The following PIP5K1B variants were observed in gnomAD, a reference collection of about 807,000 sequenced individuals.
PIP5K1B encodes phosphatidylinositol 4-phosphate 5-kinase type-1 beta.
In PIP5K1B, 42 loss-of-function variants were observed where a neutral mutation model predicts 67.0. The ratio of observed to expected loss-of-function variants is 0.63; its 90% CI spans 0.49 to 0.81. The LOEUF (loss-of-function observed/expected upper bound fraction) is 0.81, where lower values mean the gene tolerates loss of function less well. Ranked by LOEUF, PIP5K1B falls within the 30% of genes least tolerant of loss-of-function variation. The pLI is 0.00. For missense variants in PIP5K1B, 459 were observed against 646.3 expected, an observed-to-expected ratio of 0.71 and a Z score of 3.14; for synonymous variants, 214 against 231.4, an observed-to-expected ratio of 0.92 and a Z score of 0.68.
chr9:68,929,541 T>A (rs1186823946), intron 12 of PIP5K1B, among the ~76,000 whole-genome samples: 1 of 152,226 alleles, frequency 6.6e-6, no homozygotes, highest in Admixed American at 6.5e-5. Flanking sequence ...TCACTTTTTT[T>A]ATTTCTTGTC....
intron 2 of PIP5K1B, among the ~76,000 whole-genome samples, chr9:68,792,082 C>T (rs1479878429): frequency 6.6e-6 from 1 of 152,244 alleles, no homozygotes; most frequent in Admixed American, 6.5e-5. Context: ...CCTCTACAAC[C>T]ACGGTCAGTT....
intron 2 of PIP5K1B, among the ~76,000 whole-genome samples, chr9:68,762,609 T>C (rs1668745271): frequency 6.6e-6 from 1 of 152,134 alleles, no homozygotes; most frequent in Non-Finnish European, 1.5e-5. Flanking sequence ...AAACCAGAGA[T>C]TTTTCTGAGT....
chr9:68,836,901 G>T (rs1313876667), intron 4 of PIP5K1B, among the ~76,000 whole-genome samples: 1 of 152,162 alleles, frequency 6.6e-6, no homozygotes, highest in African/African-American at 2.4e-5. Context: ...AGCAGAGTCT[G>T]GTCAAATCTG....
At chr9:68,950,378 G>A (rs892984856) in intron 14 of PIP5K1B, among the ~76,000 whole-genome samples, 1 of 152,192 alleles carries the variant, frequency 6.6e-6, no homozygotes, top group Non-Finnish European at 1.5e-5. Context: ...CTTGGGTGAA[G>A]CTGGCCTTAT....
chr9:68,715,539 C>T (rs750230811), intron 1 of PIP5K1B, among the ~76,000 whole-genome samples: 3 of 152,166 alleles, frequency 2.0e-5, no homozygotes, highest in Non-Finnish European at 4.4e-5. Flanking sequence ...GCCTTGGCCA[C>T]CCATCCCCAG....
chr9:68,848,792 T>A (rs1822327275), intron 4 of PIP5K1B, among the ~76,000 whole-genome samples: 1 of 152,194 alleles, frequency 6.6e-6, no homozygotes, highest in Admixed American at 6.5e-5. Flanking sequence ...TAACTTTAAT[T>A]GCTGTAAAAT....
At chr9:68,756,066 AAGAATCGTGTGG>A (rs1231257744) in intron 2 of PIP5K1B, among the ~76,000 whole-genome samples, 1 of 152,228 alleles carries the variant, frequency 6.6e-6, no homozygotes, top group Admixed American at 6.5e-5. Context: ...GTTGTGCACA[AAGAATCGTGTGG>A]AGAAGGAGGC....
intron 1 of PIP5K1B, among the ~76,000 whole-genome samples, chr9:68,741,824 G>T (rs957560551): frequency 5.9e-5 from 9 of 152,036 alleles, no homozygotes; most frequent in African/African-American, 2.2e-4. Context: ...GTTACATTTT[G>T]TTCATGCTGC....
chr9:68,827,017 G>A (rs1389334503), intron 4 of PIP5K1B, among the ~76,000 whole-genome samples: 1 of 152,218 alleles, frequency 6.6e-6, no homozygotes, highest in African/African-American at 2.4e-5. Flanking sequence ...CTCCCAGAGT[G>A]CTGGGATTAC....
Position 68,939,844 on chromosome 9 carries a change from T to A in PIP5K1B, c.1358-802T>A, listed in dbSNP as rs188563389. On this transcript the variant is annotated intron_variant, in intron 13 of 15. Transcript: ENST00000265382. ...TCTAATTTTGAATTTGTTGTGCCTA[T>A]AAAGGAATACCAGGAATACCTTAAA... 7.9e-5 allele frequency among the ~76,000 whole-genome samples: 12 copies of A among 152,344 alleles called. No individual in the cohort carries two copies. In the East Asian group the frequency reaches 2.3e-3, roughly 29 times the overall value.
At chr9:68,945,645 A>G (rs187226943) in intron 14 of PIP5K1B, among the ~76,000 whole-genome samples, 2 of 152,344 alleles carry the variant, frequency 1.3e-5, no homozygotes, top group Non-Finnish European at 2.9e-5. Context: ...ATACATATCA[A>G]GTGATTTAAT....
chr9:68,984,417 G>A (rs1223861110), intron 14 of PIP5K1B, among the ~76,000 whole-genome samples: 1 of 152,174 alleles, frequency 6.6e-6, no homozygotes, highest in Non-Finnish European at 1.5e-5. Context: ...GGTAGATCCT[G>A]CATAATGAGG....
At chr9:69,006,666 G>A (rs1205211244) in intron 15 of PIP5K1B, among the ~76,000 whole-genome samples, 1 of 151,932 alleles carries the variant, frequency 6.6e-6, no homozygotes, top group East Asian at 1.9e-4. Context: ...TGGCTCCAGG[G>A]CCCTTCACTG....
intron 8 of PIP5K1B, among the ~76,000 whole-genome samples, chr9:68,906,607 C>T (rs1825625431): frequency 6.6e-6 from 1 of 152,232 alleles, no homozygotes; most frequent in Non-Finnish European, 1.5e-5. Flanking sequence ...ACTCAGGCTA[C>T]AGAGAAGTTA....
intron 8 of PIP5K1B, among the ~76,000 whole-genome samples, chr9:68,916,253 G>A (rs1826086507): frequency 6.6e-6 from 1 of 152,106 alleles, no homozygotes; most frequent in African/African-American, 2.4e-5. Flanking sequence ...ATACAGACTA[G>A]TAGAAAAAGA....
chr9:68,896,876 A>C (rs960506657), intron 8 of PIP5K1B, among the ~76,000 whole-genome samples: 4 of 152,216 alleles, frequency 2.6e-5, no homozygotes, highest in Admixed American at 1.3e-4. Flanking sequence ...TCCTCCCCCC[A>C]AAAAATGCCC....
chr9:68,981,294 C>A (rs1039869381), intron 14 of PIP5K1B, among the ~76,000 whole-genome samples: 1 of 152,050 alleles, frequency 6.6e-6, no homozygotes, highest in Non-Finnish European at 1.5e-5. Flanking sequence ...ATATAAATAG[C>A]AAATGTTGGA....
chr9:68,905,773 C>T (rs973488146), intron 8 of PIP5K1B, among the ~76,000 whole-genome samples: 2 of 152,032 alleles, frequency 1.3e-5, no homozygotes, highest in African/African-American at 2.4e-5. Context: ...TATGGAGTAC[C>T]GATGGTGCTG....
intron 14 of PIP5K1B, among the ~76,000 whole-genome samples, chr9:68,981,385 CCT>C (rs1458013230): frequency 1.3e-5 from 2 of 149,262 alleles, no homozygotes; most frequent in African/African-American, 5.0e-5. Context: ...TCTTTTAACC[CCT>C]GATTCATCAA....
Sources: gnomAD v4.1 joint callset for allele counts (sites outside exome capture counted in the v4.1 genomes callset) on GRCh38, gnomAD v4.1.1 for gene constraint, MANE v1.5 for transcripts, NCBI Gene and HGNC (gene_info 2026-07-23, HGNC 2026-07-21) for gene names.